The following SHANK2 variants were observed in gnomAD, a reference collection of about 807,000 sequenced individuals.
SHANK2 encodes SH3 and multiple ankyrin repeat domains 2, also known as SH3 and multiple ankyrin repeat domains protein 2.
SHANK2 carries 43 observed loss-of-function variants against 133.7 expected under a neutral mutation model. That is an observed-to-expected ratio of 0.32 (90% CI 0.25 to 0.41). The LOEUF is 0.41. SHANK2 is among the 10% of genes least tolerant of loss of function. The pLI is 1.00. For synonymous variants in SHANK2, 1,017 were observed against 952.8 expected (o/e 1.07, Z -1.24); for missense variants, 1,994 against 2,235.8 (o/e 0.89, Z 2.18).
At chr11:70,612,699 C>A (rs1473359790) in intron 17 of SHANK2, among the ~76,000 whole-genome samples, 1 of 152,270 alleles carries the variant, frequency 6.6e-6, no homozygotes, top group Admixed American at 6.5e-5. Context: ...GTGCAATTCC[C>A]GCGCTCTATC....
chr11:71,168,861 C>G (rs1361247966), intron 2 of SHANK2, among the ~76,000 whole-genome samples: 1 of 152,066 alleles, frequency 6.6e-6, no homozygotes, highest in Non-Finnish European at 1.5e-5. Flanking sequence ...TCAATATTCA[C>G]AACAGTGGCA....
intron 14 of SHANK2, among the ~76,000 whole-genome samples, chr11:70,778,762 A>G (rs141291622): frequency 3.8e-4 from 58 of 152,314 alleles, no homozygotes; most frequent in African/African-American, 1.3e-3. Context: ...ACAGTATTTC[A>G]TGATAGCAGC....
intron 15 of SHANK2, among the ~76,000 whole-genome samples, chr11:70,672,355 C>T (rs1413479089): frequency 6.6e-6 from 1 of 152,220 alleles, no homozygotes; most frequent in African/African-American, 2.4e-5. Flanking sequence ...TGAGCCACCG[C>T]ACCCAGCCTC....
At position 70,851,784 on chromosome 11, in the gene SHANK2, G is replaced by A. The variant is rs1170207666; in HGVS notation, c.1175-31102C>T. Reference sequence around the variant, plus strand: ...AAATACTTGAGAGAGCAGTAGCATCGTTATTAAGGACCCAGAGCTTGGGGT... The same window carrying A: ...AAATACTTGAGAGAGCAGTAGCATCATTATTAAGGACCCAGAGCTTGGGGT... On this transcript the variant is annotated intron_variant, in intron 11 of 25. Transcript: ENST00000601538. Among the ~76,000 whole-genome samples the A allele has an allele frequency of 3.3e-5, 5 of 152,288 alleles. No individual in the cohort carries two copies. In the South Asian group the frequency reaches 1.0e-3, roughly 32 times the overall value.
intron 14 of SHANK2, among the ~76,000 whole-genome samples, chr11:70,780,427 A>C (rs1354145942): frequency 6.6e-6 from 1 of 152,166 alleles, no homozygotes; most frequent in Non-Finnish European, 1.5e-5. Flanking sequence ...CTGGCTCTAA[A>C]TGAGTTTTTC....
intron 10 of SHANK2, among the ~76,000 whole-genome samples, chr11:70,930,077 T>C (rs1034606883): frequency 1.3e-5 from 2 of 152,192 alleles, no homozygotes; most frequent in Non-Finnish European, 2.9e-5. Context: ...TGAACAGACA[T>C]GACTATGCTC....
At chr11:70,568,646 G>GCCCCCCCCCCCCCCCCCTCCC (rs66982078) in intron 17 of SHANK2, among the ~76,000 whole-genome samples, 1 of 79,966 alleles carries the variant, frequency 1.3e-5, no homozygotes, top group African/African-American at 3.9e-5. Context: ...GCGGATTCCT[G>GCCCCCCCCCCCCCCCCCTCCC]CCCCCCCCGC....
intron 10 of SHANK2, among the ~76,000 whole-genome samples, chr11:70,915,436 A>G (rs1317763998): frequency 6.6e-6 from 1 of 152,210 alleles, no homozygotes; most frequent in Non-Finnish European, 1.5e-5. Flanking sequence ...GCTATCAGGC[A>G]TTTGTTCAGC....
chr11:70,766,189 A>C (rs1947119978), intron 14 of SHANK2, among the ~76,000 whole-genome samples: 1 of 152,260 alleles, frequency 6.6e-6, no homozygotes, highest in South Asian at 2.1e-4. Flanking sequence ...CTGGAGTCTA[A>C]GCAGCCACCT....
intron 17 of SHANK2, among the ~76,000 whole-genome samples, chr11:70,505,752 G>T (rs75800876): frequency 4.9e-4 from 75 of 152,334 alleles, no homozygotes; most frequent in African/African-American, 1.7e-3. Flanking sequence ...AGCTCAAGTT[G>T]CGGCCTCCTG....
chr11:70,760,438 T>C (rs1226175375), intron 14 of SHANK2, among the ~76,000 whole-genome samples: 1 of 152,232 alleles, frequency 6.6e-6, no homozygotes, highest in Non-Finnish European at 1.5e-5. Flanking sequence ...GTTCCTCCTC[T>C]CTTCTAAGGT....
intron 2 of SHANK2, among the ~76,000 whole-genome samples, chr11:71,181,513 A>G (rs1953555889): frequency 6.6e-6 from 1 of 152,184 alleles, no homozygotes; most frequent in Admixed American, 6.5e-5. Context: ...ATGACAATTC[A>G]GGATCTCAGA....
At chr11:71,100,468 T>A (rs938808338) in intron 6 of SHANK2, among the ~76,000 whole-genome samples, 3 of 152,172 alleles carry the variant, frequency 2.0e-5, no homozygotes, top group African/African-American at 7.2e-5. Context: ...CACAACACGA[T>A]ACGAAGGAAG....
intron 14 of SHANK2, among the ~76,000 whole-genome samples, chr11:70,775,039 A>G (rs1947332205): frequency 6.6e-6 from 1 of 152,136 alleles, no homozygotes; most frequent in Non-Finnish European, 1.5e-5. Flanking sequence ...GCACACCTAT[A>G]ATCCAACACT....
At chr11:71,183,146 T>C (rs1324621322) in intron 2 of SHANK2, among the ~76,000 whole-genome samples, 2 of 152,186 alleles carry the variant, frequency 1.3e-5, no homozygotes, top group Non-Finnish European at 2.9e-5. Context: ...CAAGGCTTTC[T>C]GGAAGGCGAA....
chr11:71,219,014 C>T (rs901573996), intron 2 of SHANK2, among the ~76,000 whole-genome samples: 1 of 152,200 alleles, frequency 6.6e-6, no homozygotes, highest in Non-Finnish European at 1.5e-5. Flanking sequence ...AAGAATGTAA[C>T]GGAGCTTACC....
intron 17 of SHANK2, among the ~76,000 whole-genome samples, chr11:70,616,386 G>A (rs1554995952): frequency 6.6e-6 from 1 of 152,112 alleles, no homozygotes; most frequent in African/African-American, 2.4e-5. Flanking sequence ...GGGCCTGGAT[G>A]GCACCTCTGA....
chr11:70,535,725 C>G lies in SHANK2; in HGVS notation c.2062-32794G>C, dbSNP rs999314423. Reference sequence around the variant, plus strand: ...GCCACCCAGGGGGACCGAGGCCAGCCCTGCAGCAGGGCCACCCAGCAGCAC... The same window carrying G: ...GCCACCCAGGGGGACCGAGGCCAGCGCTGCAGCAGGGCCACCCAGCAGCAC... On this transcript the variant is annotated intron_variant, in intron 17 of 25. Coordinates refer to ENST00000601538, the MANE Select transcript of SHANK2 (RefSeq NM_012309.5). This position sits in a 1 kb window ranked among gnomAD's most constrained non-coding sequence, Gnocchi z 4.3. Among the ~76,000 whole-genome samples, 20 of 152,230 alleles carry G rather than the reference C, an allele frequency of 1.3e-4. No individual in the cohort carries two copies. Among genetic ancestry groups the G allele is most frequent in the African/African-American group, 4.6e-4 (19 of 41,452 alleles).
At chr11:71,200,369 AGACATCT>A (rs1161196787) in intron 2 of SHANK2, among the ~76,000 whole-genome samples, 57 of 152,354 alleles carry the variant, frequency 3.7e-4, no homozygotes, top group African/African-American at 1.4e-3. Context: ...CTCAGCTGAC[AGACATCT>A]GACTGATTCC....
Sources: gnomAD v4.1 joint callset for allele counts (sites outside exome capture counted in the v4.1 genomes callset) on GRCh38, gnomAD v4.1.1 for gene constraint, Gnocchi (gnomAD v3.1) non-coding constraint, MANE v1.5 for transcripts, NCBI Gene and HGNC (gene_info 2026-07-23, HGNC 2026-07-21) for gene names.